GAB1: variants seen among roughly 807,000 people sequenced by gnomAD.
GAB1 encodes the protein GRB2 associated binding protein 1, also known as GRB2-associated-binding protein 1.
GAB1 carries 19 observed loss-of-function variants against 66.5 expected under a neutral mutation model. The observed-to-expected ratio is 0.29, with a 90% CI of 0.20 to 0.42. The LOEUF is 0.42. Ranked by LOEUF, GAB1 falls within the 10% of genes least tolerant of loss-of-function variation. The pLI, the probability that GAB1 is intolerant of heterozygous loss-of-function variation, is 1.00. For synonymous variants in GAB1, 294 were observed against 301.4 expected, an observed-to-expected ratio of 0.98 and a Z score of 0.25; for missense variants, 732 against 858.5, an observed-to-expected ratio of 0.85 and a Z score of 1.84.
At chr4:143,462,740 A>G (rs1735564378) in intron 8 of GAB1, among the ~76,000 whole-genome samples, 1 of 152,016 alleles carries the variant, frequency 6.6e-6, no homozygotes, top group Non-Finnish European at 1.5e-5. Flanking sequence ...AACTCACTGC[A>G]GCCTCCACCT....
At chr4:143,338,151 T>C (rs1306210436) in intron 1 of GAB1, among the ~76,000 whole-genome samples, 1 of 152,242 alleles carries the variant, frequency 6.6e-6, no homozygotes, top group East Asian at 1.9e-4. Context: ...AACCTTGCTT[T>C]AGTGGAAACC....
intron 6 of GAB1, among the ~76,000 whole-genome samples, chr4:143,459,172 A>T (rs1334089902): frequency 6.6e-6 from 1 of 152,126 alleles, no homozygotes; most frequent in African/African-American, 2.4e-5. Context: ...GGTAACAATC[A>T]TGAAACATCT....
chr4:143,423,535 AAAATACAAAAAAATTAGCC>A (rs1221411432), intron 2 of GAB1, among the ~76,000 whole-genome samples: 1 of 151,726 alleles, frequency 6.6e-6, no homozygotes, highest in African/African-American at 2.4e-5. Context: ...ATCTCTACTA[AAAATACAAAAAAATTAGCC>A]AGGCGTTGGT....
chr4:143,359,015 G>A (rs765103708), intron 1 of GAB1, among the ~76,000 whole-genome samples: 3 of 152,114 alleles, frequency 2.0e-5, no homozygotes, highest in East Asian at 3.8e-4. Context: ...TTTACATATT[G>A]TATAATCCAG....
intron 6 of GAB1, among the ~76,000 whole-genome samples, chr4:143,458,127 A>G (rs1735290665): frequency 6.6e-6 from 1 of 152,154 alleles, no homozygotes; most frequent in Admixed American, 6.5e-5. Flanking sequence ...AGAATAAAGA[A>G]TCATTTCCAT....
intron 6 of GAB1, among the ~76,000 whole-genome samples, chr4:143,457,171 G>A (rs752624631): frequency 1.6e-4 from 25 of 152,180 alleles, no homozygotes; most frequent in Admixed American, 3.3e-4. Flanking sequence ...TGCAGGAATA[G>A]ATTAAGGTTT....
At chr4:143,457,872 C>G (rs1469321085) in intron 6 of GAB1, 8 of 634,684 alleles carry the variant, frequency 1.3e-5, no homozygotes, top group Non-Finnish European at 2.1e-5. Context: ...AATACTACTG[C>G]TGTTGTAAAT....
chr4:143,371,785 A>G (rs1560724428), intron 1 of GAB1, among the ~76,000 whole-genome samples: 1 of 149,916 alleles, frequency 6.7e-6, no homozygotes, highest in Non-Finnish European at 1.5e-5. Flanking sequence ...CAGTTTTCCT[A>G]ACACCATTTA....
At chr4:143,352,230 G>A (rs1267330537) in intron 1 of GAB1, among the ~76,000 whole-genome samples, 1 of 152,174 alleles carries the variant, frequency 6.6e-6, no homozygotes, top group Non-Finnish European at 1.5e-5. Flanking sequence ...TTGTTCACAA[G>A]CCACCCAGCT....
In GAB1 at chr4:143,337,015, G is replaced by A. The variant is rs536073297; in HGVS notation, c.-174G>A. ...TTCAGGTTCGTGGGCCTGCAGAGGA[G>A]AGACTCGAACTCGTGGAACCCGCGC... On this transcript the variant is annotated 5_prime_UTR_variant, in exon 1 of 10. Transcript: ENST00000262994. 17 of 604,428 alleles carry A rather than the reference G, an allele frequency of 2.8e-5. No individual in the cohort carries two copies. The highest frequency in any genetic ancestry group is 1.2e-4 in the Admixed American group (4 of 32,332). The allele number at this position is 604,428 out of a possible 1,614,324, so 37.4% of individuals were successfully genotyped here.
intron 1 of GAB1, among the ~76,000 whole-genome samples, chr4:143,394,404 A>G (rs1731338684): frequency 6.6e-6 from 1 of 152,218 alleles, no homozygotes; most frequent in African/African-American, 2.4e-5. Context: ...ACCTCAGTTA[A>G]TCTGTGTGTC....
intron 1 of GAB1, among the ~76,000 whole-genome samples, chr4:143,338,430 T>C (rs1046687123): frequency 6.6e-6 from 1 of 152,352 alleles, no homozygotes; most frequent in East Asian, 1.9e-4. Flanking sequence ...TGTTTGCTTG[T>C]ATAGAACAGA....
At chr4:143,466,599 C>T (rs552487766) in intron 9 of GAB1, among the ~76,000 whole-genome samples, 6 of 146,694 alleles carry the variant, frequency 4.1e-5, no homozygotes, top group African/African-American at 1.5e-4. Context: ...AAATGATTCT[C>T]CTGCCTCAGC....
intron 6 of GAB1, among the ~76,000 whole-genome samples, chr4:143,455,577 A>T (rs1317936433): frequency 6.6e-6 from 1 of 152,238 alleles, no homozygotes; most frequent in Non-Finnish European, 1.5e-5. Flanking sequence ...TACTAGGTCA[A>T]GAGCAGCAAA....
intron 1 of GAB1, among the ~76,000 whole-genome samples, chr4:143,375,236 C>T (rs1025079792): frequency 1.3e-5 from 2 of 152,252 alleles, no homozygotes. Flanking sequence ...GCATCAGCCA[C>T]TGCACCCGGC....
At chr4:143,453,784 C>T (rs56951883) in intron 6 of GAB1, among the ~76,000 whole-genome samples, 3,647 of 152,232 alleles carry the variant, frequency 0.024, 143 homozygotes, top group African/African-American at 0.083. Flanking sequence ...AATTCTAGCT[C>T]TACCAGTCAT....
In GAB1 at chr4:143,407,690, A is replaced by G. The variant is rs181176495; in HGVS notation, c.73-7787A>G. Among the ~76,000 whole-genome samples the G allele has an allele frequency of 3.9e-5, 6 of 152,286 alleles. No individual in the cohort carries two copies. In the East Asian group the frequency reaches 5.8e-4, roughly 15 times the overall value. ...TGTGTGTTTGGAACAGATGATCATA[A>G]TGATAGAGCCAGTGGAGTGGAAACT... On this transcript the variant is annotated intron_variant, in intron 1 of 9. Transcript: ENST00000262994.
Position 143,433,381 on chromosome 4 carries a change from A to G in GAB1, c.368-110A>G, listed in dbSNP as rs983519268. The G allele has an allele frequency of 8.2e-6, 6 of 728,602 alleles. No homozygotes were observed. The African/African-American group carries it at 1.1e-4, about 13-fold the overall frequency. The allele number at this position is 728,602 out of a possible 1,614,324, so 45.1% of individuals were successfully genotyped here. On this transcript the variant is annotated intron_variant, in intron 2 of 9. Transcript: ENST00000262994. ...AGTGTTTGTTTTAGCTGACATTGTC[A>G]TGATTTATTCTGTTTTTGTGTGTTG...
At chr4:143,436,291 T>C (rs1018882575) in intron 3 of GAB1, among the ~76,000 whole-genome samples, 1 of 152,110 alleles carries the variant, frequency 6.6e-6, no homozygotes, top group South Asian at 2.1e-4. Flanking sequence ...GAGAGCCTCT[T>C]GAAGAATAGG....
Sources: gnomAD v4.1 joint callset for allele counts (sites outside exome capture counted in the v4.1 genomes callset) on GRCh38, gnomAD v4.1.1 for gene constraint, MANE v1.5 for transcripts, NCBI Gene and HGNC (gene_info 2026-07-23, HGNC 2026-07-21) for gene names.